Variants in SNX25 observed in about 807,000 individuals in gnomAD.
SNX25 encodes sorting nexin 25.
SNX25 carries 62 observed loss-of-function variants against 113.7 expected under a neutral mutation model. The ratio of observed to expected loss-of-function variants is 0.55; its 90% CI spans 0.44 to 0.67. The LOEUF (loss-of-function observed/expected upper bound fraction) is 0.67, where lower values mean the gene tolerates loss of function less well. SNX25 is among the 30% of genes least tolerant of loss of function. The probability of loss-of-function intolerance (pLI) is 0.00; values close to 1 mark genes in which losing one functional copy is unlikely to be tolerated. For synonymous variants in SNX25, 421 were observed against 436.2 expected (o/e 0.97, Z 0.43); for missense variants, 1,014 against 1,161.0 (o/e 0.87, Z 1.84).
intron 5 of SNX25, among the ~76,000 whole-genome samples, chr4:185,283,874 T>A (rs1750991430): frequency 6.6e-6 from 1 of 152,250 alleles, no homozygotes; most frequent in South Asian, 2.1e-4. Context: ...ATTATAATTT[T>A]ATGGTTTCAT....
intron 1 of SNX25, among the ~76,000 whole-genome samples, chr4:185,214,723 T>G (rs1054169041): frequency 6.6e-6 from 1 of 152,254 alleles, no homozygotes; most frequent in African/African-American, 2.4e-5. Context: ...AAGCATTTAC[T>G]GAATGTCTGC....
intron 6 of SNX25, among the ~76,000 whole-genome samples, chr4:185,303,519 C>T (rs760932883): frequency 1.3e-5 from 2 of 151,826 alleles, no homozygotes; most frequent in East Asian, 1.9e-4. Context: ...ATTAGCCGGG[C>T]GTGGTGGTGG....
chr4:185,366,373 T>C (rs2095388086), downstream of SNX25: 2 of 152,368 alleles, frequency 1.3e-5, no homozygotes, highest in Admixed American at 1.3e-4. Flanking sequence ...TTCTTACGAA[T>C]ATTTTCATAT....
the SNX25 span, chr4:185,378,061 T>G: frequency 1.3e-6 from 2 of 1,588,906 alleles, no homozygotes; most frequent in African/African-American, 2.7e-5. Flanking sequence ...CAAGGGAAGC[T>G]TAAATATCAG....
At chr4:185,244,104 C>T (rs1009628624) in intron 1 of SNX25, among the ~76,000 whole-genome samples, 1 of 152,088 alleles carries the variant, frequency 6.6e-6, no homozygotes, top group Non-Finnish European at 1.5e-5. Context: ...CTCAGTCAGA[C>T]CTCCTTCCTC....
intron 9 of SNX25, among the ~76,000 whole-genome samples, chr4:185,327,352 A>C (rs1261339911): frequency 6.6e-6 from 1 of 152,210 alleles, no homozygotes; most frequent in Admixed American, 6.5e-5. Context: ...TTTATAAAGC[A>C]TTCAGGAGGC....
At chr4:185,214,088 T>A (rs1309020644) in intron 1 of SNX25, among the ~76,000 whole-genome samples, 1 of 152,044 alleles carries the variant, frequency 6.6e-6, no homozygotes, top group Non-Finnish European at 1.5e-5. Flanking sequence ...CCACTTCCCC[T>A]TTAGAAATGC....
At chr4:185,265,691 AT>A (rs1396528552) in intron 4 of SNX25, among the ~76,000 whole-genome samples, 3 of 152,050 alleles carry the variant, frequency 2.0e-5, no homozygotes, top group Admixed American at 6.6e-5. Flanking sequence ...TGAACTTTTA[AT>A]TTTTTTAAAC....
At position 185,361,932 on chromosome 4, in the gene SNX25, G is replaced by A. The variant is rs1435354382; in HGVS notation, c.2660G>A (p.Arg887Gln). The A allele has an allele frequency of 2.4e-5, 39 of 1,613,156 alleles. 1 individual carries two copies. The highest frequency in any genetic ancestry group is 3.1e-5 in the Non-Finnish European group (36 of 1,179,580). Reference protein sequence around the residue: ...TFGRTINKQIRDTVSWIFSEQ... With the variant: ...TFGRTINKQIQDTVSWIFSEQ... Reference sequence around the variant, plus strand: ...TCTTTTTCTCTTAAAAGACAAATCCGGGACACAGTCAGCTGGATTTTCAGT... The same window carrying A: ...TCTTTTTCTCTTAAAAGACAAATCCAGGACACAGTCAGCTGGATTTTCAGT... The change falls in exon 17 of 19, where the codon CGG becomes CAG. Residue 887 changes from arginine (R) to glutamine (Q), a missense_variant. Transcript: ENST00000652585.
chr4:185,262,654 G>C (rs960779668), intron 3 of SNX25, among the ~76,000 whole-genome samples: 1 of 152,122 alleles, frequency 6.6e-6, no homozygotes, highest in Admixed American at 6.5e-5. Flanking sequence ...CTCATCTATA[G>C]AATACACGTG....
At chr4:185,303,871 G>A (rs1754079955) in intron 6 of SNX25, among the ~76,000 whole-genome samples, 1 of 152,140 alleles carries the variant, frequency 6.6e-6, no homozygotes, top group South Asian at 2.1e-4. Flanking sequence ...GTTTAGAGTG[G>A]TAAGAGAAGC....
At chr4:185,374,691 A>G (rs1033021114), downstream of SNX25, among the ~76,000 whole-genome samples, 2 of 152,144 alleles carry the variant, frequency 1.3e-5, no homozygotes, top group Non-Finnish European at 2.9e-5. Context: ...TCTGGGATAT[A>G]AGAAATTTCC....
At chr4:185,240,246 A>T (rs979586592) in intron 1 of SNX25, among the ~76,000 whole-genome samples, 11 of 151,924 alleles carry the variant, frequency 7.2e-5, no homozygotes, top group South Asian at 6.2e-4. Flanking sequence ...CAAAACCGCC[A>T]TTGTCATCAT....
At chr4:185,304,411 T>A (rs944295528) in intron 6 of SNX25, among the ~76,000 whole-genome samples, 1 of 152,060 alleles carries the variant, frequency 6.6e-6, no homozygotes, top group Non-Finnish European at 1.5e-5. Context: ...CAGACTGGAG[T>A]GAAATGGCGC....
At chr4:185,375,767 T>A in the SNX25 span, 170 of 1,375,492 alleles carry the variant, frequency 1.2e-4, 1 homozygote, top group East Asian at 3.9e-3. Context: ...TTTATTATGA[T>A]CTTAAAGTAA....
chr4:185,287,010 ATTAATG>A (rs758452929), intron 5 of SNX25, among the ~76,000 whole-genome samples: 10 of 152,240 alleles, frequency 6.6e-5, no homozygotes, highest in Non-Finnish European at 1.5e-5. Context: ...CAAAGTAAGA[ATTAATG>A]TTAAAGAACT....
chr4:185,281,164 C>T (rs1750509476), intron 5 of SNX25, among the ~76,000 whole-genome samples: 1 of 151,984 alleles, frequency 6.6e-6, no homozygotes, highest in Admixed American at 6.6e-5. Flanking sequence ...TTGGTGGTCT[C>T]AGGTTGATTG....
At chr4:185,273,511 A>G (rs1049859320) in intron 5 of SNX25, among the ~76,000 whole-genome samples, 1 of 152,212 alleles carries the variant, frequency 6.6e-6, no homozygotes, top group Non-Finnish European at 1.5e-5. Flanking sequence ...CAATTACCTT[A>G]CATAGTTACC....
At position 185,234,281 on chromosome 4, in the gene SNX25, G is replaced by A. The variant is rs1054627678; in HGVS notation, c.430-13013G>A. ...CAGGTTATTCACCAGGAAACATTAC[G>A]AAAGGAACCTGCTATGAAAGTAAAA... On this transcript the variant is annotated intron_variant, in intron 1 of 18. Coordinates refer to ENST00000652585, the MANE Select transcript of SNX25 (RefSeq NM_001378034.2). 5.3e-5 allele frequency among the ~76,000 whole-genome samples: 8 copies of A among 152,104 alleles called. No individual in the cohort carries two copies. The East Asian group carries it at 7.7e-4, about 15-fold the overall frequency.
Sources: gnomAD v4.1 joint callset for allele counts (sites outside exome capture counted in the v4.1 genomes callset) on GRCh38, gnomAD v4.1.1 for gene constraint, MANE v1.5 for transcripts, NCBI Gene and HGNC (gene_info 2026-07-23, HGNC 2026-07-21) for gene names.